The following COL19A1 variants were observed in gnomAD, a reference collection of about 807,000 sequenced individuals.
COL19A1 encodes the protein collagen type XIX alpha 1 chain.
A neutral mutation model predicts 190.2 loss-of-function variants in COL19A1; 159 were observed. The observed-to-expected ratio is 0.84, with a 90% CI of 0.73 to 0.95. COL19A1 has a LOEUF of 0.95. Ranked by LOEUF, COL19A1 falls within the 40% of genes least tolerant of loss-of-function variation. COL19A1 has a pLI of 0.00. For synonymous variants in COL19A1, 509 were observed against 458.9 expected (o/e 1.11, Z -1.39); for missense variants, 1,418 against 1,431.9 (o/e 0.99, Z 0.16).
intron 4 of COL19A1, among the ~76,000 whole-genome samples, chr6:69,921,169 ATAC>A (rs1771736136): frequency 7.7e-6 from 1 of 129,678 alleles, no homozygotes; most frequent in East Asian, 2.1e-4. Context: ...ATATATTCAT[ATAC>A]GTATCACATA....
chr6:69,871,279 A>T (rs1214318119), intron 1 of COL19A1, among the ~76,000 whole-genome samples: 1 of 152,186 alleles, frequency 6.6e-6, no homozygotes, highest in South Asian at 2.1e-4. Flanking sequence ...GTGAAAGAAC[A>T]GATGTGTAAC....
chr6:70,040,057 A>G (rs937522340), intron 14 of COL19A1, among the ~76,000 whole-genome samples: 2 of 152,052 alleles, frequency 1.3e-5, no homozygotes, highest in African/African-American at 4.8e-5. Context: ...GGAACCACTG[A>G]GTCCAGCTGG....
At chr6:70,024,185 C>G (rs1399119679) in intron 12 of COL19A1, among the ~76,000 whole-genome samples, 8 of 152,182 alleles carry the variant, frequency 5.3e-5, no homozygotes, top group Non-Finnish European at 1.2e-4. Context: ...GGACCCCAGT[C>G]ATCTTCTCCC....
At chr6:69,939,583 T>C (rs183692175) in intron 9 of COL19A1, among the ~76,000 whole-genome samples, 17 of 152,262 alleles carry the variant, frequency 1.1e-4, no homozygotes, top group Non-Finnish European at 2.2e-4. Context: ...TTCAGTATTA[T>C]GTATCTGTGT....
At chr6:70,171,812 A>G (rs1562241860) in intron 40 of COL19A1, 152 bp from the exon 41 acceptor site, 2 of 662,060 alleles carry the variant, frequency 3.0e-6, no homozygotes, top group African/African-American at 1.8e-5. Context: ...GCAATAATAC[A>G]TTACTTAAAA....
At chr6:70,143,601 G>A (rs1280722756) in intron 23 of COL19A1, among the ~76,000 whole-genome samples, 1 of 151,806 alleles carries the variant, frequency 6.6e-6, no homozygotes, top group Non-Finnish European at 1.5e-5. Flanking sequence ...CATGCTCACC[G>A]CTTGAGCCTC....
At position 70,156,150 on chromosome 6, in the gene COL19A1, C is replaced by T; in HGVS notation, c.2103C>T (p.Ala701=). ...AGAATTTCTGTGGCAACTGCCAAGC[C>T]AGTGTCCCAGGGCTGAAAAGCAACA... ...LLKNFCGNCQ[A]SVPGLKSNKG... is the part of the protein sequence containing the mutation. Residue 701 remains alanine, a synonymous_variant, in exon 32 of 51, where the codon GCC becomes GCT. Coordinates refer to ENST00000620364, the MANE Select transcript of COL19A1 (RefSeq NM_001858.6). 6.2e-7 allele frequency: 1 copy of T among 1,613,066 alleles called. No individual in the cohort carries two copies. The highest frequency in any genetic ancestry group is 8.5e-7 in the Non-Finnish European group (1 of 1,179,498).
chr6:69,899,305 C>T (rs1770003641), intron 3 of COL19A1, among the ~76,000 whole-genome samples: 1 of 151,910 alleles, frequency 6.6e-6, no homozygotes. Flanking sequence ...GCTGGGACTA[C>T]AGGCACATGG....
At chr6:70,086,996 T>G (rs1004756890) in intron 15 of COL19A1, among the ~76,000 whole-genome samples, 19 of 21,716 alleles carry the variant, frequency 8.7e-4, no homozygotes, top group African/African-American at 3.9e-3. Flanking sequence ...TACCATGTGT[T>G]TTTTTTTAAA....
intron 17 of COL19A1, among the ~76,000 whole-genome samples, chr6:70,129,619 G>A (rs1785402699): frequency 6.6e-6 from 1 of 152,240 alleles, no homozygotes; most frequent in Non-Finnish European, 1.5e-5. Flanking sequence ...CGGAGGCAGA[G>A]GCAGGAGGAT....
chr6:70,161,335 A>G (rs1020429644), intron 34 of COL19A1, among the ~76,000 whole-genome samples: 1 of 152,182 alleles, frequency 6.6e-6, no homozygotes, highest in Non-Finnish European at 1.5e-5. Flanking sequence ...TCCATGTTTT[A>G]CCAGTACGAG....
At chr6:69,957,810 G>C (rs193276551) in intron 9 of COL19A1, among the ~76,000 whole-genome samples, 154 of 152,266 alleles carry the variant, frequency 1.0e-3, no homozygotes, top group Non-Finnish European at 1.8e-3. Context: ...CAAAGTGCTT[G>C]TGGCACCTAG....
rs1451662699 is a variant in COL19A1 at position 70,032,889 on chromosome 6, A to T, written c.1081-1356A>T. ...AAATTTCTTCCTTCAAGTGTTTACA[A>T]TATTCTGTTTCCAAGTTCTACTCTG... On this transcript the variant is annotated intron_variant, in intron 12 of 50. Transcript: ENST00000620364. Among the ~76,000 whole-genome samples the T allele has an allele frequency of 4.6e-5, 7 of 152,170 alleles. No individual in the cohort carries two copies. In the South Asian group the frequency reaches 6.2e-4, roughly 14 times the overall value.
intron 18 of COL19A1, among the ~76,000 whole-genome samples, chr6:70,136,338 AT>A (rs1006852500): frequency 5.9e-5 from 9 of 152,156 alleles, no homozygotes; most frequent in Non-Finnish European, 1.3e-4. Flanking sequence ...AGGATTAGAG[AT>A]GTTCACTGCA....
chr6:69,868,201 A>G (rs73749314), intron 1 of COL19A1, among the ~76,000 whole-genome samples: 3,904 of 124,932 alleles, frequency 0.031, 108 homozygotes, highest in East Asian at 0.091. Flanking sequence ...GACTAAAGGG[A>G]AAAAAAAAAA....
In COL19A1 at chr6:70,021,867, G is replaced by C. The variant is rs145545162; in HGVS notation, c.1027-1760G>C. 7.9e-4 allele frequency among the ~76,000 whole-genome samples: 120 copies of C among 152,252 alleles called. 1 individual carries two copies. The highest frequency in any genetic ancestry group is 2.8e-3 in the African/African-American group (117 of 41,560). ...GTATCGGACAGCACAATTCTATAGA[G>C]TAATTCCTTACCCTTCCATTTTTAG... On this transcript the variant is annotated intron_variant, in intron 11 of 50. Transcript: ENST00000620364.
intron 14 of COL19A1, among the ~76,000 whole-genome samples, chr6:70,039,791 C>G (rs895843431): frequency 6.8e-6 from 1 of 146,906 alleles, no homozygotes; most frequent in African/African-American, 2.5e-5. Flanking sequence ...GAGACAGGGT[C>G]TCACTCTGTT....
chr6:70,039,821 A>G (rs1015306300), intron 14 of COL19A1, among the ~76,000 whole-genome samples: 10 of 149,398 alleles, frequency 6.7e-5, no homozygotes, highest in African/African-American at 2.2e-4. Context: ...GAAGTGCAGT[A>G]GCCCCATCAC....
In COL19A1 at chr6:70,212,424, G is replaced by C. The variant is rs1267188942; in HGVS notation, c.*5150G>C. On this transcript the variant is annotated 3_prime_UTR_variant, in exon 51 of 51. Transcript: ENST00000620364. ...CATGTTCATTATGCATAATGAGCTT[G>C]TCACCTATCTCAGCAATAAAGGTTC... is the stretch of plus-strand genomic sequence containing the variant. Among the ~76,000 whole-genome samples, 2 of 152,152 alleles carry C rather than the reference G, an allele frequency of 1.3e-5. No homozygotes were observed.
Sources: gnomAD v4.1 joint callset for allele counts (sites outside exome capture counted in the v4.1 genomes callset) on GRCh38, gnomAD v4.1.1 for gene constraint, MANE v1.5 for transcripts, NCBI Gene and HGNC (gene_info 2026-07-23, HGNC 2026-07-21) for gene names.